Variants in CDKL5 observed in about 807,000 individuals in gnomAD.
CDKL5 encodes cyclin-dependent kinase-like 5.
Under a neutral mutation model 61.7 loss-of-function variants are expected in CDKL5, and 8 were observed. The observed-to-expected ratio is 0.13, with a 90% confidence interval of 0.08 to 0.23. CDKL5 has a LOEUF of 0.23. Ranked by LOEUF, CDKL5 falls within the 10% of genes least tolerant of loss-of-function variation. The pLI is 1.00. For synonymous variants in CDKL5, 275 were observed against 272.3 expected, an observed-to-expected ratio of 1.01 and a Z score of -0.10; for missense variants, 440 against 734.5, an observed-to-expected ratio of 0.60 and a Z score of 4.63.
Position 18,577,936 on chromosome X carries a change from G to A in CDKL5, c.283-1912G>A, listed in dbSNP as rs779224701. Reference sequence around the variant, plus strand: ...AAAATGATGCATACATACTTAAAATGTTTATTTTAATTGGAAACATAAATA... The same window carrying A: ...AAAATGATGCATACATACTTAAAATATTTATTTTAATTGGAAACATAAATA... On this transcript the variant is annotated intron_variant, in intron 5 of 17. Transcript: ENST00000623535. 4.4e-5 allele frequency among the ~76,000 whole-genome samples: 5 copies of A among 112,416 alleles called. No homozygotes were observed. In the East Asian group the frequency reaches 8.4e-4, roughly 19 times the overall value.
chrX:18,646,528 C>T (rs1256832712), intron 20 of CDKL5, among the ~76,000 whole-genome samples: 1 of 112,515 alleles, frequency 8.9e-6, no homozygotes, highest in African/African-American at 3.2e-5. Flanking sequence ...CTCTTTGTTA[C>T]AACAGCATGA....
chrX:18,513,866 T>G (rs1436777092), intron 3 of CDKL5, among the ~76,000 whole-genome samples: 1 of 111,896 alleles, frequency 8.9e-6, no homozygotes, highest in Non-Finnish European at 1.9e-5. Flanking sequence ...ACTCATATTA[T>G]AATTAAAAAT....
intron 1 of CDKL5, among the ~76,000 whole-genome samples, chrX:18,479,688 T>C (rs1204741705): frequency 3.6e-5 from 4 of 111,788 alleles, no homozygotes; most frequent in Admixed American, 1.9e-4. Flanking sequence ...ATGTATGTTG[T>C]TGTGTATTAG....
chrX:18,532,659 G>A (rs1923689704), intron 3 of CDKL5, among the ~76,000 whole-genome samples: 1 of 111,799 alleles, frequency 8.9e-6, no homozygotes, highest in African/African-American at 3.2e-5. Context: ...GAATCTGTGT[G>A]ATAGAGGACA....
chrX:18,509,029 G>T (rs1248552405), intron 2 of CDKL5, among the ~76,000 whole-genome samples: 1 of 108,017 alleles, frequency 9.3e-6, no homozygotes, highest in Non-Finnish European at 1.9e-5. Flanking sequence ...GGAGGTGGAG[G>T]TTGCAGTGAG....
chrX:18,518,292 C>T (rs370859080), intron 3 of CDKL5, among the ~76,000 whole-genome samples: 2 of 102,189 alleles, frequency 2.0e-5, no homozygotes, highest in African/African-American at 3.6e-5. Context: ...TAGCTAGGCA[C>T]TGACTACAAA....
chrX:18,548,824 T>C (rs1316499704), intron 3 of CDKL5, among the ~76,000 whole-genome samples: 1 of 112,471 alleles, frequency 8.9e-6, no homozygotes, highest in Non-Finnish European at 1.9e-5. Flanking sequence ...TTGCTTTCTT[T>C]GAACTTCAGT....
At chrX:18,444,307 A>C (rs189196098) in intron 1 of CDKL5, among the ~76,000 whole-genome samples, 1 of 111,157 alleles carries the variant, frequency 9.0e-6, no homozygotes, top group African/African-American at 3.3e-5. Context: ...TTACATTTCT[A>C]TCTCTTCTGG....
chrX:18,645,958 G>A (rs1237293658), intron 19 of CDKL5: 1 of 1,209,607 alleles, frequency 8.3e-7, no homozygotes, highest in Non-Finnish European at 1.1e-6. Context: ...TGTTCTTAAA[G>A]GCAAGTCATG....
At chrX:18,532,519 A>G (rs1923683935) in intron 3 of CDKL5, among the ~76,000 whole-genome samples, 1 of 111,632 alleles carries the variant, frequency 9.0e-6, no homozygotes, top group African/African-American at 3.3e-5. Context: ...CACGGCTTAA[A>G]TTTGAAAAAC....
intron 1 of CDKL5, chrX:18,426,226 C>A (rs893303280): frequency 8.9e-6 from 1 of 112,901 alleles, no homozygotes; most frequent in African/African-American, 3.2e-5. Context: ...GGCTAGCGAC[C>A]GGGCGCCGGC....
At chrX:18,562,098 C>T (rs776773147) in intron 3 of CDKL5, among the ~76,000 whole-genome samples, 9 of 111,855 alleles carry the variant, frequency 8.0e-5, no homozygotes, top group African/African-American at 2.9e-4. Flanking sequence ...GACCCGATTT[C>T]ACTTATTAAA....
rs1927275915 is a variant in CDKL5, at chrX:18,632,963, T to C, written c.*4206T>C. 4 of 752,947 alleles carry C rather than the reference T, an allele frequency of 5.3e-6. No individual in the cohort carries two copies. Among genetic ancestry groups the C allele is most frequent in the Non-Finnish European group, 6.3e-6 (4 of 639,092 alleles). The allele number at this position is 752,947 out of a possible 1,213,427, so 62.1% of individuals were successfully genotyped here. A position where few individuals can be genotyped will look rare whatever the true frequency, so the allele number is the denominator to read the frequency against. On this transcript the variant is annotated 3_prime_UTR_variant, in exon 18 of 18. Coordinates refer to ENST00000623535, the MANE Select transcript of CDKL5 (RefSeq NM_001323289.2). The stretch of plus-strand genomic sequence containing the variant: ...TTTTTCAAAGGCCAGAGGATTACTT[T>C]GCAAGTGTGTAGAAAGATCTGTCTA...
chrX:18,466,686 A>AT (rs1340035739), intron 1 of CDKL5, among the ~76,000 whole-genome samples: 1 of 110,627 alleles, frequency 9.0e-6, no homozygotes, highest in East Asian at 2.9e-4. Context: ...AATTTTTTGT[A>AT]TTTTTTTGTA....
chrX:18,510,845 C>T lies in CDKL5; in HGVS notation c.90C>T (p.Cys30=), dbSNP rs891192393. The change falls in exon 3 of 18, where the codon TGC becomes TGT. Residue 30 remains cysteine (C), a synonymous_variant. Transcript: ENST00000623535. ...GEGAYGVVLK[C]RHKETHEIVA... is the part of the protein sequence containing the mutation. ...GAGCCTATGGAGTTGTACTTAAATG[C>T]AGACACAAGGCAAGTACATTATTTT... 1 of 1,175,923 alleles carries T rather than the reference C, an allele frequency of 8.5e-7. No individual in the cohort carries two copies. Among genetic ancestry groups the T allele is most frequent in the Non-Finnish European group, 1.2e-6 (1 of 863,772 alleles).
chrX:18,527,843 A>G (rs1247817966), intron 3 of CDKL5, among the ~76,000 whole-genome samples: 2 of 112,006 alleles, frequency 1.8e-5, no homozygotes, highest in African/African-American at 3.2e-5. Flanking sequence ...ACTTGATGCT[A>G]TAAACTTTTC....
At chrX:18,457,912 CTTTTT>C (rs775565675) in intron 1 of CDKL5, among the ~76,000 whole-genome samples, 1 of 45,234 alleles carries the variant, frequency 2.2e-5, no homozygotes, top group Non-Finnish European at 3.8e-5. Context: ...CCATGCCCGG[CTTTTT>C]TTTTTTTTTT....
intron 3 of CDKL5, among the ~76,000 whole-genome samples, chrX:18,522,387 C>T (rs190863187): frequency 6.3e-4 from 58 of 92,218 alleles, no homozygotes; most frequent in African/African-American, 2.3e-3. Context: ...GTGTGTTGCC[C>T]GGGCTGGAGT....
intron 9 of CDKL5, among the ~76,000 whole-genome samples, chrX:18,593,359 C>T (rs773725210): frequency 2.4e-4 from 27 of 111,961 alleles, no homozygotes; most frequent in African/African-American, 8.1e-4. Flanking sequence ...TAATACCTTT[C>T]GACTTTCAGC....
Sources: allele counts gnomAD v4.1 joint callset (sites outside exome capture counted in the v4.1 genomes callset), GRCh38; gene constraint gnomAD v4.1.1; transcripts MANE v1.5; gene names NCBI Gene and HGNC (gene_info 2026-07-23, HGNC 2026-07-21).